ARB2A: variants seen among roughly 807,000 people sequenced by gnomAD.
ARB2A encodes the protein ARB2 cotranscriptional regulator A.
At chr5:93,789,229 AAAT>A in the ARB2A span, among the ~76,000 whole-genome samples, 1 of 152,214 alleles carries the variant, frequency 6.6e-6, no homozygotes, top group Non-Finnish European at 1.5e-5. Context: ...CTTGTACAGG[AAAT>A]AATATTCTGA....
At chr5:93,892,377 A>G in the ARB2A span, among the ~76,000 whole-genome samples, 1 of 152,216 alleles carries the variant, frequency 6.6e-6, no homozygotes, top group African/African-American at 2.4e-5. Context: ...CACTCTATGG[A>G]TGCATACAAA....
the ARB2A span, among the ~76,000 whole-genome samples, chr5:93,665,155 T>C: frequency 2.5e-3 from 374 of 152,346 alleles, 4 homozygotes; most frequent in African/African-American, 8.5e-3. Flanking sequence ...TTCATATGTA[T>C]ATTCAATAAT....
At chr5:94,043,676 T>A in the ARB2A span, among the ~76,000 whole-genome samples, 7 of 152,156 alleles carry the variant, frequency 4.6e-5, no homozygotes, top group Admixed American at 2.0e-4. Context: ...ATAAAAAATG[T>A]CACTTTCTAA....
At chr5:93,816,234 A>G in the ARB2A span, among the ~76,000 whole-genome samples, 2 of 152,162 alleles carry the variant, frequency 1.3e-5, no homozygotes, top group Non-Finnish European at 2.9e-5. Context: ...CTTACAATGA[A>G]TGATCATTTT....
chr5:93,691,546 G>A, the ARB2A span, among the ~76,000 whole-genome samples: 2 of 152,002 alleles, frequency 1.3e-5, no homozygotes, highest in African/African-American at 2.4e-5. Context: ...CCAAACCTGC[G>A]TTTGACTGGT....
At chr5:93,776,379 T>C in the ARB2A span, 1 of 588,540 alleles carries the variant, frequency 1.7e-6, no homozygotes, top group South Asian at 3.3e-5. Flanking sequence ...AACATTTTTT[T>C]CTTATGTAAA....
At chr5:93,980,035 G>T in the ARB2A span, among the ~76,000 whole-genome samples, 1 of 151,944 alleles carries the variant, frequency 6.6e-6, no homozygotes, top group Non-Finnish European at 1.5e-5. Flanking sequence ...ATTTGTTGTT[G>T]CTTATTATTG....
At chr5:93,826,403 A>C in the ARB2A span, among the ~76,000 whole-genome samples, 3 of 152,104 alleles carry the variant, frequency 2.0e-5, no homozygotes, top group Admixed American at 6.6e-5. Context: ...AGTTCTCTCT[A>C]TGTCTATCTG....
At chr5:94,083,313 A>G in the ARB2A span, among the ~76,000 whole-genome samples, 1 of 152,202 alleles carries the variant, frequency 6.6e-6, no homozygotes, top group Non-Finnish European at 1.5e-5. Flanking sequence ...TTCCAACATT[A>G]CAGCCAAGTC....
chr5:93,879,244 G>A, the ARB2A span, among the ~76,000 whole-genome samples: 1 of 151,890 alleles, frequency 6.6e-6, no homozygotes, highest in African/African-American at 2.4e-5. Flanking sequence ...CCCACTACAA[G>A]GCCAAAACTT....
the ARB2A span, among the ~76,000 whole-genome samples, chr5:94,016,806 A>G: frequency 6.6e-6 from 1 of 152,200 alleles, no homozygotes; most frequent in Non-Finnish European, 1.5e-5. Flanking sequence ...TAAGAAAATT[A>G]AAATAATTCA....
chr5:93,712,505 G>T, the ARB2A span, among the ~76,000 whole-genome samples: 1 of 151,998 alleles, frequency 6.6e-6, no homozygotes, highest in Non-Finnish European at 1.5e-5. Flanking sequence ...GAAGGAAGAT[G>T]TACACGGTTT....
the ARB2A span, among the ~76,000 whole-genome samples, chr5:93,882,602 C>A: frequency 6.6e-6 from 1 of 150,890 alleles, no homozygotes; most frequent in African/African-American, 2.4e-5. Flanking sequence ...ATGGAATAAG[C>A]TAACCATGAG....
the ARB2A span, among the ~76,000 whole-genome samples, chr5:94,107,446 A>G: frequency 6.6e-6 from 1 of 152,064 alleles, no homozygotes; most frequent in Non-Finnish European, 1.5e-5. Context: ...ATTGATTTAA[A>G]TGAGCTTTAT....
the ARB2A span, among the ~76,000 whole-genome samples, chr5:93,921,653 G>A: frequency 1.3e-5 from 2 of 152,036 alleles, no homozygotes; most frequent in Non-Finnish European, 2.9e-5. Context: ...AGAATTTAAG[G>A]CAGGAAGGCA....
the ARB2A span, among the ~76,000 whole-genome samples, chr5:93,677,579 C>T: frequency 6.6e-6 from 1 of 152,166 alleles, no homozygotes; most frequent in Non-Finnish European, 1.5e-5. Flanking sequence ...CAGGCAGGCA[C>T]GAGAGGCTAT....
the ARB2A span, among the ~76,000 whole-genome samples, chr5:93,907,567 C>T: frequency 6.6e-6 from 1 of 151,276 alleles, no homozygotes; most frequent in Non-Finnish European, 1.5e-5. Context: ...CATACTCTCA[C>T]AATGTCAAAA....
chr5:93,812,075 A>T, the ARB2A span, among the ~76,000 whole-genome samples: 1 of 152,166 alleles, frequency 6.6e-6, no homozygotes, highest in African/African-American at 2.4e-5. Context: ...GTGAGATCTT[A>T]GAGTAAACAC....
the ARB2A span, among the ~76,000 whole-genome samples, chr5:94,078,170 CTT>C: frequency 6.6e-6 from 1 of 152,158 alleles, no homozygotes; most frequent in Non-Finnish European, 1.5e-5. Flanking sequence ...AACAGAAGCC[CTT>C]TTCATCTCAC....
Sources: allele counts gnomAD v4.1 joint callset (sites outside exome capture counted in the v4.1 genomes callset), GRCh38; gene constraint gnomAD v4.1.1; transcripts MANE v1.5; gene names NCBI Gene and HGNC (gene_info 2026-07-23, HGNC 2026-07-21).